Variants in CCDC181 observed in about 807,000 individuals in gnomAD.
CCDC181 encodes coiled-coil domain containing 181, also known as coiled-coil domain-containing protein 181.
CCDC181 carries 35 observed loss-of-function variants against 58.7 expected under a neutral mutation model. That is an observed-to-expected ratio of 0.60 (90% CI 0.46 to 0.79). The LOEUF (loss-of-function observed/expected upper bound fraction) is 0.79, where lower values mean the gene tolerates loss of function less well. Among genes scored for constraint, CCDC181 ranks in the 30% least tolerant of loss-of-function variants. The probability of loss-of-function intolerance (pLI) is 0.00; values close to 1 mark genes in which losing one functional copy is unlikely to be tolerated. For synonymous variants in CCDC181, 183 were observed against 197.5 expected (o/e 0.93, Z 0.62); for missense variants, 517 against 583.9 (o/e 0.89, Z 1.18).
chr1:169,394,903 C>G lies in CCDC181; in HGVS notation c.*144G>C. On this transcript the variant is annotated 3_prime_UTR_variant, in exon 6 of 6. Coordinates refer to ENST00000367806, the MANE Select transcript of CCDC181 (RefSeq NM_001300969.2). The stretch of plus-strand genomic sequence containing the variant: ...CTGTGAGAAAAAAATTTATTTTGTT[C>G]TAGTATTAAAAAAACAAATTCACTG... The G allele has an allele frequency of 1.5e-6, 1 of 683,046 alleles. No individual in the cohort carries two copies. Among genetic ancestry groups the G allele is most frequent in the South Asian group, 2.8e-5 (1 of 35,326 alleles). The allele number at this position is 683,046 out of a possible 1,614,324, so 42.3% of individuals were successfully genotyped here. A position where few individuals can be genotyped will look rare whatever the true frequency, so the allele number is the denominator to read the frequency against.
At chr1:169,459,225 T>A (rs1339372595) in intron 2 of CCDC181, among the ~76,000 whole-genome samples, 3 of 152,188 alleles carry the variant, frequency 2.0e-5, no homozygotes, top group African/African-American at 7.2e-5. Context: ...GAAATAGGAT[T>A]TTAGGTCACT....
chr1:169,460,048 G>A (rs1657802429), intron 1 of CCDC181, among the ~76,000 whole-genome samples: 1 of 152,084 alleles, frequency 6.6e-6, no homozygotes, highest in Non-Finnish European at 1.5e-5. Context: ...ATTTGGGACA[G>A]CACTTGGGCC....
At chr1:169,420,041 G>A (rs1259900994) in intron 3 of CCDC181, among the ~76,000 whole-genome samples, 1 of 152,102 alleles carries the variant, frequency 6.6e-6, no homozygotes, top group African/African-American at 2.4e-5. Flanking sequence ...ATTCAGAAAA[G>A]AGAATCCAAA....
At chr1:169,403,901 C>A (rs959864176) in intron 4 of CCDC181, among the ~76,000 whole-genome samples, 1 of 151,810 alleles carries the variant, frequency 6.6e-6, no homozygotes, top group Non-Finnish European at 1.5e-5. Flanking sequence ...TCAGCAAAAT[C>A]GATAGACTGC....
At chr1:169,425,984 A>G (rs1656692770) in intron 1 of CCDC181, among the ~76,000 whole-genome samples, 1 of 152,152 alleles carries the variant, frequency 6.6e-6, no homozygotes, top group African/African-American at 2.4e-5. Context: ...TAAAATCTGT[A>G]TAATAAAAGC....
intron 4 of CCDC181, among the ~76,000 whole-genome samples, chr1:169,414,806 CTTA>C (rs1185204363): frequency 6.6e-6 from 1 of 152,156 alleles, no homozygotes; most frequent in African/African-American, 2.4e-5. Context: ...ACATAATGCA[CTTA>C]TTATAGCAAT....
At chr1:169,433,065 A>T (rs1464057481) in intron 2 of CCDC181, among the ~76,000 whole-genome samples, 2 of 152,052 alleles carry the variant, frequency 1.3e-5, no homozygotes, top group Non-Finnish European at 2.9e-5. Context: ...TCTGTTTGCA[A>T]ATGACAGGTC....
chr1:169,431,460 A>G (rs1311710687), upstream of CCDC181, among the ~76,000 whole-genome samples: 1 of 152,236 alleles, frequency 6.6e-6, no homozygotes, highest in Non-Finnish European at 1.5e-5. Flanking sequence ...AAATAAATGA[A>G]GTACTGCTGG....
chr1:169,419,203 A>G (rs1656355356), intron 3 of CCDC181, 44 bp from the exon 4 acceptor site: 1 of 1,492,198 alleles, frequency 6.7e-7, no homozygotes, highest in African/African-American at 1.4e-5. Context: ...GATTAATAAA[A>G]TTGTATGAGT....
At chr1:169,427,514 A>G (rs1468633085), upstream of CCDC181, 1 of 152,190 alleles carries the variant, frequency 6.6e-6, no homozygotes, top group African/African-American at 2.4e-5. Context: ...TCCTCAGACC[A>G]CCGACCCCTC....
intron 2 of CCDC181, among the ~76,000 whole-genome samples, chr1:169,423,822 A>C (rs1227190998): frequency 6.6e-6 from 1 of 151,992 alleles, no homozygotes; most frequent in Non-Finnish European, 1.5e-5. Flanking sequence ...GTTAGGATGC[A>C]TAAAACTCCC....
At chr1:169,433,670 C>T (rs1387762603) in intron 2 of CCDC181, among the ~76,000 whole-genome samples, 1 of 151,982 alleles carries the variant, frequency 6.6e-6, no homozygotes, top group Non-Finnish European at 1.5e-5. Flanking sequence ...TTTTATGAAA[C>T]TCCGAGGGGA....
upstream of CCDC181, among the ~76,000 whole-genome samples, chr1:169,430,584 C>A (rs1216947718): frequency 6.6e-6 from 1 of 151,838 alleles, no homozygotes; most frequent in East Asian, 1.9e-4. Flanking sequence ...ATTTGATTCT[C>A]ATCTTGGTTG....
At chr1:169,451,882 TC>T (rs1443065391) in intron 2 of CCDC181, among the ~76,000 whole-genome samples, 2 of 152,048 alleles carry the variant, frequency 1.3e-5, no homozygotes, top group Non-Finnish European at 2.9e-5. Flanking sequence ...TTTACTGAGA[TC>T]CAAGAGAACC....
chr1:169,406,204 G>A (rs1028110430), intron 4 of CCDC181, among the ~76,000 whole-genome samples: 1 of 152,206 alleles, frequency 6.6e-6, no homozygotes, highest in Non-Finnish European at 1.5e-5. Flanking sequence ...TGGTGGGAGT[G>A]TAAAGTAGTT....
At chr1:169,458,377 C>G (rs1301337691) in intron 2 of CCDC181, among the ~76,000 whole-genome samples, 5 of 152,008 alleles carry the variant, frequency 3.3e-5, no homozygotes, top group Non-Finnish European at 5.9e-5. Flanking sequence ...TTTATGAGAT[C>G]TTATCCATGG....
chr1:169,408,573 G>C (rs1655797854), intron 4 of CCDC181, among the ~76,000 whole-genome samples: 1 of 152,172 alleles, frequency 6.6e-6, no homozygotes, highest in African/African-American at 2.4e-5. Context: ...TCCTCCAGTG[G>C]GTCCCTAACC....
chr1:169,452,116 A>G (rs552336957), intron 2 of CCDC181, among the ~76,000 whole-genome samples: 29 of 152,126 alleles, frequency 1.9e-4, no homozygotes, highest in Non-Finnish European at 3.2e-4. Flanking sequence ...GAAAAAAAAA[A>G]AGAGATTGGA....
chr1:169,397,196 T>C (rs201513234), intron 5 of CCDC181, 41 bp downstream of exon 5: 1 of 1,485,396 alleles, frequency 6.7e-7, no homozygotes, highest in East Asian at 2.4e-5. Flanking sequence ...AAAATGAACA[T>C]GAGGAAGGAG....
Sources: allele counts gnomAD v4.1 joint callset (sites outside exome capture counted in the v4.1 genomes callset), GRCh38; gene constraint gnomAD v4.1.1; transcripts MANE v1.5; gene names NCBI Gene and HGNC (gene_info 2026-07-23, HGNC 2026-07-21).